Variants in PCSK5 observed in about 807,000 individuals in gnomAD.
The protein encoded by PCSK5 is proprotein convertase subtilisin/kexin type 5.
Under a neutral mutation model 233.2 loss-of-function variants are expected in PCSK5, and 129 were observed. That is an observed-to-expected ratio of 0.55 (90% CI 0.48 to 0.64). The LOEUF is 0.64. Ranked by LOEUF, PCSK5 falls within the 30% of genes least tolerant of loss-of-function variation. The pLI is 0.00. For synonymous variants in PCSK5, 825 were observed against 879.2 expected, an observed-to-expected ratio of 0.94 and a Z score of 1.09; for missense variants, 2,076 against 2,430.1, an observed-to-expected ratio of 0.85 and a Z score of 3.06.
At chr9:76,284,414 C>G (rs979542766) in intron 24 of PCSK5, among the ~76,000 whole-genome samples, 1 of 151,846 alleles carries the variant, frequency 6.6e-6, no homozygotes, top group South Asian at 2.1e-4. Flanking sequence ...CCCGCACACA[C>G]TCTCTTGCCT....
intron 11 of PCSK5, among the ~76,000 whole-genome samples, chr9:76,158,559 C>T (rs913440500): frequency 1.3e-5 from 2 of 152,140 alleles, no homozygotes; most frequent in South Asian, 2.1e-4. Flanking sequence ...ATGCTAATCC[C>T]CAAGCCTCCA....
chr9:76,284,738 G>T (rs765372813), intron 24 of PCSK5, among the ~76,000 whole-genome samples: 1 of 151,808 alleles, frequency 6.6e-6, no homozygotes, highest in Non-Finnish European at 1.5e-5. Context: ...CTCCATGTTG[G>T]TCAGGTTGGT....
intron 2 of PCSK5, among the ~76,000 whole-genome samples, chr9:75,961,108 A>G (rs1223899633): frequency 6.6e-5 from 10 of 152,198 alleles, no homozygotes; most frequent in Non-Finnish European, 2.9e-5. Flanking sequence ...CCCTGATTCT[A>G]TCAGCTACTG....
intron 2 of PCSK5, among the ~76,000 whole-genome samples, chr9:75,945,448 C>CT (rs1292306500): frequency 2.0e-5 from 3 of 152,158 alleles, no homozygotes; most frequent in Admixed American, 6.5e-5. Context: ...CTTTCTCCCC[C>CT]TGCACTGCCA....
intron 8 of PCSK5, among the ~76,000 whole-genome samples, chr9:76,105,553 A>G (rs1323922216): frequency 6.6e-6 from 1 of 152,256 alleles, no homozygotes; most frequent in Non-Finnish European, 1.5e-5. Flanking sequence ...ATAAAAAAAT[A>G]CCTGTTTAAA....
intron 20 of PCSK5, among the ~76,000 whole-genome samples, chr9:76,210,702 C>T (rs138225259): frequency 6.6e-6 from 1 of 152,246 alleles, no homozygotes; most frequent in East Asian, 1.9e-4. Context: ...TCAGAGAGAA[C>T]ATTCTGGCTA....
At chr9:76,165,699 C>T (rs1486079800) in intron 12 of PCSK5, among the ~76,000 whole-genome samples, 1 of 152,216 alleles carries the variant, frequency 6.6e-6, no homozygotes, top group East Asian at 1.9e-4. Context: ...CAGAATTTCA[C>T]TGCAAGAGAA....
intron 20 of PCSK5, chr9:76,193,421 C>CAAAAAA (rs1824516856): frequency 1.2e-6 from 1 of 843,800 alleles, no homozygotes; most frequent in Non-Finnish European, 1.6e-6. Flanking sequence ...AAGAAAAAAG[C>CAAAAAA]CAAAAAGAAA....
chr9:76,315,642 C>CTT (rs34118608), intron 30 of PCSK5, among the ~76,000 whole-genome samples: 2,036 of 114,484 alleles, frequency 0.018, 96 homozygotes, highest in African/African-American at 0.063. Flanking sequence ...GAGAAGACTA[C>CTT]TTTTTTTTTT....
intron 1 of PCSK5, among the ~76,000 whole-genome samples, chr9:75,920,333 C>T (rs909661251): frequency 2.0e-5 from 3 of 152,082 alleles, no homozygotes; most frequent in Non-Finnish European, 4.4e-5. Context: ...CTCTATCACC[C>T]AGGCTGGAGT....
intron 5 of PCSK5, among the ~76,000 whole-genome samples, chr9:76,051,565 G>T (rs767811588): frequency 6.6e-6 from 1 of 151,826 alleles, no homozygotes; most frequent in Non-Finnish European, 1.5e-5. Context: ...TGATATCATA[G>T]GTAATACTTA....
rs34813806 is a variant in PCSK5, at chr9:75,891,265, C to T, written c.84C>T (p.Pro28=). ...CGCTGCTCGGGGGCTGCCTGCTCCCCGTGTGTCGGACGCGCGTCTACACCA... is the reference window on the plus strand; with the variant it reads ...CGCTGCTCGGGGGCTGCCTGCTCCCTGTGTGTCGGACGCGCGTCTACACCA... ...VLALLGGCLL[P]VCRTRVYTNH... is the part of the protein sequence containing the mutation. The change falls in exon 1 of 38, where the codon CCC becomes CCT. Residue 28 remains proline, a synonymous_variant. Transcript: ENST00000674117. 8 of 1,530,064 alleles carry T rather than the reference C, an allele frequency of 5.2e-6. No individual in the cohort carries two copies. Among genetic ancestry groups the T allele is most frequent in the Non-Finnish European group, 7.0e-6 (8 of 1,148,534 alleles). The allele number at this position is 1,530,064 out of a possible 1,614,324, so 94.8% of individuals were successfully genotyped here. A position where few individuals can be genotyped will look rare whatever the true frequency, so the allele number is the denominator to read the frequency against.
chr9:76,109,161 G>A (rs1001499288), intron 9 of PCSK5, among the ~76,000 whole-genome samples: 3 of 152,118 alleles, frequency 2.0e-5, no homozygotes, highest in Non-Finnish European at 2.9e-5. Context: ...TTCTGGCAGC[G>A]GAAGTCTCAA....
At chr9:76,335,079 AAAACAAAC>A (rs368202485) in intron 34 of PCSK5, among the ~76,000 whole-genome samples, 388 of 152,304 alleles carry the variant, frequency 2.5e-3, no homozygotes, top group African/African-American at 8.9e-3. Context: ...CCCTGTCTTA[AAAACAAAC>A]AAACAAACAA....
chr9:76,281,495 C>T (rs1268234844), intron 24 of PCSK5, among the ~76,000 whole-genome samples: 2 of 145,128 alleles, frequency 1.4e-5, no homozygotes, highest in African/African-American at 5.6e-5. Context: ...AGACCTACTG[C>T]TCAGACAAAA....
At chr9:76,136,428 G>A (rs1822980730) in intron 10 of PCSK5, among the ~76,000 whole-genome samples, 1 of 152,006 alleles carries the variant, frequency 6.6e-6, no homozygotes, top group Admixed American at 6.6e-5. Flanking sequence ...CTAATGGTTA[G>A]AAAAGGTTCC....
chr9:76,192,905 C>T (rs1347563384), intron 20 of PCSK5, among the ~76,000 whole-genome samples: 2 of 143,896 alleles, frequency 1.4e-5, no homozygotes, highest in Non-Finnish European at 2.9e-5. Context: ...ACTGTATACT[C>T]TCTGCTCTAG....
intron 1 of PCSK5, among the ~76,000 whole-genome samples, chr9:75,908,459 G>A (rs1316224213): frequency 1.3e-5 from 2 of 152,222 alleles, no homozygotes; most frequent in African/African-American, 4.8e-5. Flanking sequence ...TATTGTGCAA[G>A]TCTTACCCTG....
intron 12 of PCSK5, among the ~76,000 whole-genome samples, chr9:76,160,161 G>A (rs144380423): frequency 1.2e-3 from 175 of 152,134 alleles, no homozygotes; most frequent in African/African-American, 4.0e-3. Flanking sequence ...ATTCAGTTTC[G>A]CTTGTTAGCC....
Sources: allele counts gnomAD v4.1 joint callset (sites outside exome capture counted in the v4.1 genomes callset), GRCh38; gene constraint gnomAD v4.1.1; transcripts MANE v1.5; gene names NCBI Gene and HGNC (gene_info 2026-07-23, HGNC 2026-07-21).